ANK3: variants seen among roughly 807,000 people sequenced by gnomAD.
ANK3 encodes the protein ankyrin 3.
In ANK3, 57 loss-of-function variants were observed where a neutral mutation model predicts 370.9. The observed-to-expected ratio is 0.15, with a 90% CI of 0.12 to 0.19. The LOEUF is 0.19. ANK3 is among the 10% of genes least tolerant of loss of function. ANK3 has a pLI of 1.00. For missense variants in ANK3, 4,439 were observed against 5,302.1 expected (o/e 0.84, Z 5.06); for synonymous variants, 1,929 against 1,946.3 (o/e 0.99, Z 0.23).
intron 1 of ANK3, among the ~76,000 whole-genome samples, chr10:60,332,662 A>G (rs954716982): frequency 2.6e-5 from 4 of 152,166 alleles, no homozygotes; most frequent in Admixed American, 2.6e-4. Context: ...AAGGAACACA[A>G]CAGATATTTG....
rs189324269 is a variant in ANK3, at chr10:60,103,107, C to T, written c.3328+2798G>A. Among the ~76,000 whole-genome samples, 632 of 152,088 alleles carry T rather than the reference C, an allele frequency of 4.2e-3. 6 individuals carry two copies. The highest frequency in any genetic ancestry group is 0.014 in the African/African-American group (587 of 41,500). ...CTGGGACTACAAGCACATGCCACCA[C>T]GCCCAGCTAATTTTTGTATTTTTAG... is the stretch of plus-strand genomic sequence containing the variant. On this transcript the variant is annotated intron_variant, in intron 28 of 43. Coordinates refer to ENST00000280772, the MANE Select transcript of ANK3 (RefSeq NM_020987.5).
At chr10:60,283,931 T>C (rs1343536947) in intron 1 of ANK3, among the ~76,000 whole-genome samples, 4 of 152,186 alleles carry the variant, frequency 2.6e-5, no homozygotes, top group African/African-American at 7.2e-5. Context: ...GTAATCCTTA[T>C]AACAGTTCCA....
intron 1 of ANK3, among the ~76,000 whole-genome samples, chr10:60,290,149 AC>A (rs2040996495): frequency 6.6e-6 from 1 of 152,216 alleles, no homozygotes; most frequent in South Asian, 2.1e-4. Context: ...AACCAATTAC[AC>A]AAACGAAAAC....
intron 1 of ANK3, among the ~76,000 whole-genome samples, chr10:60,309,579 A>AG (rs1029634489): frequency 2.0e-5 from 3 of 152,098 alleles, no homozygotes; most frequent in African/African-American, 4.8e-5. Context: ...ACATTACTCC[A>AG]GGGGGGTGTT....
At chr10:60,376,771 CAGA>C (rs2132812140) in intron 1 of ANK3, among the ~76,000 whole-genome samples, 1 of 152,328 alleles carries the variant, frequency 6.6e-6, no homozygotes, top group Admixed American at 6.5e-5. Flanking sequence ...TGAAACGAAT[CAGA>C]CTGGAATTGA....
intron 2 of ANK3, among the ~76,000 whole-genome samples, chr10:60,506,943 T>C (rs1241227760): frequency 6.6e-6 from 1 of 152,080 alleles, no homozygotes; most frequent in Non-Finnish European, 1.5e-5. Context: ...TAATCCCTAA[T>C]TTATGAAATG....
intron 42 of ANK3, chr10:60,043,252 C>T: frequency 1.0e-6 from 1 of 985,658 alleles, no homozygotes; most frequent in Non-Finnish European, 1.2e-6. Flanking sequence ...ATCCTCTCTT[C>T]ACTGAGCATC....
intron 1 of ANK3, among the ~76,000 whole-genome samples, chr10:60,361,640 T>C (rs1297608078): frequency 1.3e-5 from 2 of 152,210 alleles, no homozygotes; most frequent in Admixed American, 1.3e-4. Flanking sequence ...TCATTCATTG[T>C]AGTGGAACAA....
At chr10:60,676,211 T>G (rs1355422851) in intron 1 of ANK3, among the ~76,000 whole-genome samples, 2 of 152,166 alleles carry the variant, frequency 1.3e-5, no homozygotes, top group African/African-American at 2.4e-5. Flanking sequence ...TTCCATTACT[T>G]GCTCTACTAA....
intron 2 of ANK3, among the ~76,000 whole-genome samples, chr10:60,447,771 G>A (rs2064488313): frequency 6.6e-6 from 1 of 152,136 alleles, no homozygotes; most frequent in Non-Finnish European, 1.5e-5. Context: ...GCCTAATATG[G>A]TGGAAAGAAG....
intron 28 of ANK3, among the ~76,000 whole-genome samples, chr10:60,096,876 A>G (rs750684349): frequency 6.6e-5 from 10 of 152,226 alleles, no homozygotes; most frequent in Non-Finnish European, 1.2e-4. Flanking sequence ...GCTGTAAAGT[A>G]AACAATAGAA....
chr10:60,107,426 G>A (rs1422874387), intron 27 of ANK3, among the ~76,000 whole-genome samples: 1 of 152,160 alleles, frequency 6.6e-6, no homozygotes, highest in African/African-American at 2.4e-5. Context: ...TTGGAGAGAA[G>A]GTATGAACAA....
chr10:60,123,903 G>T (rs1429072394), intron 25 of ANK3, among the ~76,000 whole-genome samples: 6 of 152,166 alleles, frequency 3.9e-5, no homozygotes, highest in African/African-American at 7.2e-5. Context: ...GAAGTCATGT[G>T]GGTGTCAGTT....
upstream of ANK3, among the ~76,000 whole-genome samples, chr10:60,391,932 T>C (rs535361285): frequency 1.6e-3 from 237 of 152,330 alleles, no homozygotes; most frequent in Non-Finnish European, 2.2e-3. Flanking sequence ...GGTTAGCCCA[T>C]CAAAAATAAA....
intron 18 of ANK3, 33 bp downstream of exon 18, chr10:60,181,296 T>C: frequency 6.3e-7 from 1 of 1,587,336 alleles, no homozygotes; most frequent in Non-Finnish European, 8.7e-7. Context: ...AATGGACACA[T>C]TCTTTTCCGT....
chr10:60,132,994 A>G (rs2094169819), intron 25 of ANK3, among the ~76,000 whole-genome samples: 1 of 152,168 alleles, frequency 6.6e-6, no homozygotes, highest in Non-Finnish European at 1.5e-5. Context: ...AGGCCTGCTT[A>G]TTAAGAATGT....
intron 2 of ANK3, among the ~76,000 whole-genome samples, chr10:60,551,774 G>T (rs1205724160): frequency 1.3e-5 from 2 of 151,972 alleles, no homozygotes; most frequent in Non-Finnish European, 2.9e-5. Context: ...ATGTAAAACA[G>T]GAAGATAATA....
At chr10:60,596,437 C>T (rs1249176558) in intron 2 of ANK3, among the ~76,000 whole-genome samples, 3 of 152,088 alleles carry the variant, frequency 2.0e-5, no homozygotes, top group Admixed American at 6.6e-5. Flanking sequence ...TGGCAACAGT[C>T]GCATACACAG....
chr10:60,560,588 T>C (rs2077311980), intron 2 of ANK3, among the ~76,000 whole-genome samples: 1 of 152,228 alleles, frequency 6.6e-6, no homozygotes, highest in East Asian at 1.9e-4. Context: ...AAAGTGCTGC[T>C]TAATGGGTCA....
Sources: allele counts gnomAD v4.1 joint callset (sites outside exome capture counted in the v4.1 genomes callset), GRCh38; gene constraint gnomAD v4.1.1; transcripts MANE v1.5; gene names NCBI Gene and HGNC (gene_info 2026-07-23, HGNC 2026-07-21).